Variants in DPP10 observed in about 807,000 individuals in gnomAD.
The protein encoded by DPP10 is inactive dipeptidyl peptidase 10.
A neutral mutation model predicts 120.9 loss-of-function variants in DPP10; 33 were observed. That is an observed-to-expected ratio of 0.27 (90% CI 0.21 to 0.37). The LOEUF is 0.37. DPP10 is among the 10% of genes least tolerant of loss of function. The pLI is 1.00. For missense variants in DPP10, 816 were observed against 942.8 expected, an observed-to-expected ratio of 0.87 and a Z score of 1.76; for synonymous variants, 337 against 326.1, an observed-to-expected ratio of 1.03 and a Z score of -0.36.
chr2:115,589,452 G>T (rs2082490432), intron 5 of DPP10, among the ~76,000 whole-genome samples: 1 of 152,064 alleles, frequency 6.6e-6, no homozygotes, highest in Admixed American at 6.6e-5. Flanking sequence ...AAGAACCTGA[G>T]ATCACTCACA....
chr2:115,743,210 G>A (rs1008281201), intron 9 of DPP10, among the ~76,000 whole-genome samples: 1 of 151,936 alleles, frequency 6.6e-6, no homozygotes, highest in Non-Finnish European at 1.5e-5. Flanking sequence ...ATTTACAAAT[G>A]AACTTGCGAT....
At chr2:115,341,782 CA>C (rs199612175) in intron 2 of DPP10, among the ~76,000 whole-genome samples, 3 of 56,258 alleles carry the variant, frequency 5.3e-5, no homozygotes, top group East Asian at 4.1e-4. Flanking sequence ...CTTGATAGCT[CA>C]TTTTTTTTAG....
intron 5 of DPP10, among the ~76,000 whole-genome samples, chr2:115,651,687 C>G (rs1244253665): frequency 6.6e-6 from 1 of 151,920 alleles, no homozygotes; most frequent in Admixed American, 6.6e-5. Context: ...TTTGATCATA[C>G]CATATGGGGA....
intron 7 of DPP10, among the ~76,000 whole-genome samples, chr2:115,695,505 G>A (rs946836632): frequency 1.3e-5 from 2 of 152,030 alleles, no homozygotes; most frequent in Admixed American, 6.6e-5. Flanking sequence ...TGGGCAGGAG[G>A]GCATGTGCAA....
At chr2:115,761,007 G>T (rs549901804) in intron 11 of DPP10, among the ~76,000 whole-genome samples, 6 of 149,470 alleles carry the variant, frequency 4.0e-5, no homozygotes, top group African/African-American at 1.2e-4. Flanking sequence ...TGAGGCAGGA[G>T]AATTGCTTGA....
At chr2:115,676,226 A>G (rs1004301298) in intron 5 of DPP10, among the ~76,000 whole-genome samples, 2 of 152,224 alleles carry the variant, frequency 1.3e-5, no homozygotes, top group Non-Finnish European at 2.9e-5. Flanking sequence ...TGCCATGGCA[A>G]ATAATCACAG....
chr2:114,959,851 G>A (rs1208516703), intron 1 of DPP10, among the ~76,000 whole-genome samples: 1 of 152,068 alleles, frequency 6.6e-6, no homozygotes, highest in Non-Finnish European at 1.5e-5. Context: ...GTGCTTATTG[G>A]CCATTCATTT....
At chr2:115,403,221 C>T (rs2068236298) in intron 3 of DPP10, among the ~76,000 whole-genome samples, 1 of 151,510 alleles carries the variant, frequency 6.6e-6, no homozygotes, top group Non-Finnish European at 1.5e-5. Context: ...TAAAAATTCT[C>T]AACAATTAAC....
chr2:115,207,747 C>T (rs11891665), intron 1 of DPP10, among the ~76,000 whole-genome samples: 2,079 of 151,112 alleles, frequency 0.014, 49 homozygotes, highest in African/African-American at 0.049. Flanking sequence ...AGTTTGTAAC[C>T]GAATTGAATT....
chr2:115,346,792 G>A (rs2063732156), intron 3 of DPP10, among the ~76,000 whole-genome samples: 3 of 152,144 alleles, frequency 2.0e-5, no homozygotes, highest in Admixed American at 6.5e-5. Flanking sequence ...TGACATTAAA[G>A]TTAACCCCAG....
At chr2:114,460,673 C>T (rs1678854070) in intron 1 of DPP10, among the ~76,000 whole-genome samples, 2 of 152,092 alleles carry the variant, frequency 1.3e-5, no homozygotes, top group South Asian at 4.1e-4. Flanking sequence ...TCCTTCTTTA[C>T]CTACTGTAAG....
chr2:114,831,566 T>A (rs1687124238), intron 1 of DPP10, among the ~76,000 whole-genome samples: 2 of 152,138 alleles, frequency 1.3e-5, no homozygotes, highest in African/African-American at 4.8e-5. Flanking sequence ...GTCTGAGGTG[T>A]TTCAGCATGG....
intron 7 of DPP10, among the ~76,000 whole-genome samples, chr2:115,713,577 A>G (rs2092398416): frequency 6.6e-6 from 1 of 152,156 alleles, no homozygotes; most frequent in African/African-American, 2.4e-5. Flanking sequence ...TGCTGTGATG[A>G]TGGGATTCAT....
intron 1 of DPP10, among the ~76,000 whole-genome samples, chr2:114,843,831 A>G (rs1688345520): frequency 6.6e-6 from 1 of 151,930 alleles, no homozygotes; most frequent in South Asian, 2.1e-4. Context: ...GTGTAGATTA[A>G]TCAGCTACCA....
At chr2:115,393,582 T>C (rs1052968596) in intron 3 of DPP10, among the ~76,000 whole-genome samples, 1 of 152,166 alleles carries the variant, frequency 6.6e-6, no homozygotes, top group Non-Finnish European at 1.5e-5. Context: ...AGGATTGTAT[T>C]AAATTCATTA....
intron 1 of DPP10, among the ~76,000 whole-genome samples, chr2:115,069,206 T>C (rs1211091927): frequency 6.6e-6 from 1 of 152,084 alleles, no homozygotes. Flanking sequence ...TTGTGTCTTC[T>C]TCAATTTCTT....
At chr2:115,211,827 G>T (rs961198778) in intron 1 of DPP10, among the ~76,000 whole-genome samples, 3 of 152,056 alleles carry the variant, frequency 2.0e-5, no homozygotes, top group African/African-American at 4.8e-5. Flanking sequence ...AGATGTGTGC[G>T]TGTGTGTGTC....
chr2:114,700,030 G>A (rs976659462), intron 1 of DPP10, among the ~76,000 whole-genome samples: 1 of 152,076 alleles, frequency 6.6e-6, no homozygotes, highest in Non-Finnish European at 1.5e-5. Flanking sequence ...TGGCTCAAAA[G>A]TATCACTAAG....
At chr2:115,729,033 A>G (rs1334946135) in intron 8 of DPP10, among the ~76,000 whole-genome samples, 1 of 152,216 alleles carries the variant, frequency 6.6e-6, no homozygotes, top group African/African-American at 2.4e-5. Flanking sequence ...AGAGGCTACA[A>G]TTTATTGTGA....
Sources: allele counts gnomAD v4.1 joint callset (sites outside exome capture counted in the v4.1 genomes callset), GRCh38; gene constraint gnomAD v4.1.1; transcripts MANE v1.5; gene names NCBI Gene and HGNC (gene_info 2026-07-23, HGNC 2026-07-21).